ODAPH: variants seen among roughly 807,000 people sequenced by gnomAD.
The protein encoded by ODAPH is amelogenesis imperfecta type IIA4.
ODAPH carries 2 observed loss-of-function variants against 2.8 expected under a neutral mutation model. The observed-to-expected ratio is 0.72, with a 90% CI of 0.30 to 2.28. The LOEUF (loss-of-function observed/expected upper bound fraction) is 2.28, where lower values mean the gene tolerates loss of function less well. Among genes scored for constraint, ODAPH ranks in the 30% most tolerant of loss-of-function variants. ODAPH has a pLI of 0.13. For synonymous variants in ODAPH, 75 were observed against 60.3 expected (o/e 1.24, Z -1.13); for missense variants, 159 against 163.3 (o/e 0.97, Z 0.14).
At chr4:75,556,666 T>A in intron 1 of ODAPH, 1 of 1,016,008 alleles carries the variant, frequency 9.8e-7, no homozygotes, top group Non-Finnish European at 1.5e-6. Flanking sequence ...TGGGCACAGG[T>A]TTCTTTCTTT....
At chr4:75,562,395 A>G (rs1171325968) in intron 1 of ODAPH, among the ~76,000 whole-genome samples, 2 of 147,856 alleles carry the variant, frequency 1.4e-5, no homozygotes, top group Non-Finnish European at 3.0e-5. Context: ...GCTGGAGTGC[A>G]ATGGCGCAAT....
Position 75,556,414 on chromosome 4 carries a change from A to G in ODAPH, c.67+265A>G, listed in dbSNP as rs1327630403. The G allele has an allele frequency of 7.9e-6, 6 of 760,448 alleles. No homozygotes were observed. In the East Asian group the frequency reaches 1.6e-4, roughly 20 times the overall value. The allele number at this position is 760,448 out of a possible 1,614,324, so 47.1% of individuals were successfully genotyped here. ...TATGTGAAGTGACAACATTAACAAT[A>G]TCCATCGTTATGGGGTTTGCAAGGA... On this transcript the variant is annotated intron_variant, in intron 1 of 1. Transcript: ENST00000311623.
intron 1 of ODAPH, among the ~76,000 whole-genome samples, chr4:75,560,634 G>A (rs1253973225): frequency 1.3e-5 from 2 of 152,238 alleles, no homozygotes; most frequent in African/African-American, 2.4e-5. Flanking sequence ...CTGGGTAAGT[G>A]ATTGAAGCAA....
intron 1 of ODAPH, among the ~76,000 whole-genome samples, chr4:75,556,989 G>A (rs1174979874): frequency 6.6e-6 from 1 of 152,090 alleles, no homozygotes; most frequent in African/African-American, 2.4e-5. Flanking sequence ...GCCAAACCCT[G>A]CTCATCCCCA....
intron 1 of ODAPH, among the ~76,000 whole-genome samples, chr4:75,561,671 A>G (rs1727581451): frequency 6.6e-6 from 1 of 152,034 alleles, no homozygotes; most frequent in African/African-American, 2.4e-5. Context: ...ACATGGGGAA[A>G]CCCCATCTCT....
At chr4:75,556,483 A>G in intron 1 of ODAPH, 3 of 1,421,220 alleles carry the variant, frequency 2.1e-6, no homozygotes, top group Non-Finnish European at 2.9e-6. Context: ...AGCTAAAAAC[A>G]CTGTACAAAT....
chr4:75,565,886 C>T (rs1262021260), downstream of ODAPH: 1 of 152,072 alleles, frequency 6.6e-6, no homozygotes, highest in African/African-American at 2.4e-5. Flanking sequence ...AAGAAAAAAA[C>T]TATTTAATTC....
intron 1 of ODAPH, chr4:75,563,069 G>T (rs1205475950): frequency 1.7e-5 from 2 of 117,362 alleles, no homozygotes; most frequent in African/African-American, 6.5e-5. Flanking sequence ...CTGTCAGCCA[G>T]GCTGGTGTGC....
intron 1 of ODAPH, among the ~76,000 whole-genome samples, chr4:75,559,254 C>G (rs1262668435): frequency 6.6e-6 from 1 of 152,284 alleles, no homozygotes; most frequent in Middle Eastern, 3.4e-3. Flanking sequence ...CTTTAATGCA[C>G]AAATTTTATG....
chr4:75,564,026 C>G lies in ODAPH; in HGVS notation c.68-88C>G, dbSNP rs187622766. The G allele has an allele frequency of 7.8e-6, 9 of 1,152,780 alleles. No homozygotes were observed. In the East Asian group the frequency reaches 2.1e-4, roughly 27 times the overall value. 71.4% of individuals were successfully genotyped at this position (1,152,780 alleles called of 1,614,324 possible). A position where few individuals can be genotyped will look rare whatever the true frequency, so the allele number is the denominator to read the frequency against. On this transcript the variant is annotated intron_variant, in intron 1 of 1. Transcript: ENST00000311623. ...ATTGAGATTTCTCTAATTCTCTCTTCCCATCTTTCTCCTCTGCCACCACTC... is the reference window on the plus strand; with the variant it reads ...ATTGAGATTTCTCTAATTCTCTCTTGCCATCTTTCTCCTCTGCCACCACTC...
downstream of ODAPH, chr4:75,565,763 A>G (rs1727790089): frequency 6.6e-6 from 1 of 152,192 alleles, no homozygotes; most frequent in South Asian, 2.1e-4. Context: ...AAAAACAGAA[A>G]AAAAAAAATC....
downstream of ODAPH, chr4:75,565,450 A>C (rs1170096243): frequency 6.6e-6 from 1 of 152,234 alleles, no homozygotes; most frequent in Non-Finnish European, 1.5e-5. Context: ...TTTTAACGTA[A>C]TTCCAGGTTC....
In ODAPH at chr4:75,564,364, G is replaced by A. The variant is rs146645381; in HGVS notation, c.318G>A (p.Trp106Ter). The A allele has an allele frequency of 6.1e-5, 98 of 1,613,968 alleles. No individual in the cohort carries two copies. Among genetic ancestry groups the A allele is most frequent in the Non-Finnish European group, 8.0e-5 (94 of 1,180,038 alleles). The change falls in exon 2 of 2, where the codon TGG becomes TGA. Residue 106 changes from tryptophan to a stop codon, truncating the protein, a stop_gained. Transcript: ENST00000311623. LOFTEE classifies it low-confidence loss of function (END_TRUNC). ...GTTTTCCATTCCAGCCATTTTATTG[G>A]CCACACCGTTACCTTACTTATAGGT... ...NHRFPFQPFY[W>*]PHRYLTYRYF... is the part of the protein sequence containing the mutation.
rs373107558 is a variant in ODAPH, at chr4:75,564,412, G to A, written c.366G>A (p.Gln122=). 11 of 1,614,168 alleles carry A rather than the reference G, an allele frequency of 6.8e-6. No homozygotes were observed. The African/African-American group carries it at 1.5e-4, about 22-fold the overall frequency. The change falls in exon 2 of 2, where the codon CAG becomes CAA. Residue 122 remains glutamine (Q), a synonymous_variant. Coordinates refer to ENST00000311623, the MANE Select transcript of ODAPH (RefSeq NM_178497.5). The stretch of plus-strand genomic sequence containing the variant: ...GGTATTTCCCCAGAAGAAGACTCCA[G>A]AGAGGAAGCTCATCTGAGGAAAGCT... The part of the protein sequence containing the change: ...TYRYFPRRRL[Q]RGSSSEES
In ODAPH at chr4:75,564,607, T is replaced by C. The variant is rs1408692626; in HGVS notation, c.*168T>C. On this transcript the variant is annotated 3_prime_UTR_variant, in exon 2 of 2. Transcript: ENST00000311623. ...CTGTTCTCTTTGTCAGCAGTGAAGA[T>C]ATTGGATCATAGGTTATTGATGGTT... 2 of 1,447,240 alleles carry C rather than the reference T, an allele frequency of 1.4e-6. No individual in the cohort carries two copies. The highest frequency in any genetic ancestry group is 1.8e-6 in the Non-Finnish European group (2 of 1,081,122). The allele number at this position is 1,447,240 out of a possible 1,614,324, so 89.6% of individuals were successfully genotyped here.
intron 1 of ODAPH, among the ~76,000 whole-genome samples, chr4:75,561,473 G>C (rs1727575740): frequency 6.6e-6 from 1 of 152,112 alleles, no homozygotes; most frequent in Non-Finnish European, 1.5e-5. Context: ...GCTAGCTTTA[G>C]AAACAAGTAG....
chr4:75,557,532 G>A (rs182523941), intron 1 of ODAPH, among the ~76,000 whole-genome samples: 60 of 152,164 alleles, frequency 3.9e-4, no homozygotes, highest in African/African-American at 1.2e-3. Context: ...CCAGCTACTC[G>A]GGAGGCTGAG....
In ODAPH at chr4:75,556,108, A is replaced by T. The variant is rs971607318; in HGVS notation, c.26A>T (p.Tyr9Phe). MARRHCFS[Y>F]WLLVCWLVVT... ...ATGGCTCGCAGACACTGCTTCTCCT[A>T]CTGGTTACTGGTATGCTGGTTGGTG... The change falls in exon 1 of 2, where the codon TAC (tyrosine) becomes TTC (phenylalanine). Residue 9 changes from tyrosine (Y) to phenylalanine (F), a missense_variant. By Grantham distance (22) the Tyr-to-Phe change is conservative. Transcript: ENST00000311623. The T allele has an allele frequency of 3.7e-6, 6 of 1,614,146 alleles. No individual in the cohort carries two copies. Among genetic ancestry groups the T allele is most frequent in the Non-Finnish European group, 5.1e-6 (6 of 1,180,002 alleles).
At chr4:75,560,993 G>A (rs545047850) in intron 1 of ODAPH, among the ~76,000 whole-genome samples, 150 of 152,014 alleles carry the variant, frequency 9.9e-4, no homozygotes, top group South Asian at 6.4e-3. Flanking sequence ...CGAGGCGGGC[G>A]GATCACGAGG....
Sources: gnomAD v4.1 joint callset for allele counts (sites outside exome capture counted in the v4.1 genomes callset) on GRCh38, gnomAD v4.1.1 for gene constraint, MANE v1.5 for transcripts, NCBI Gene and HGNC (gene_info 2026-07-23, HGNC 2026-07-21) for gene names.